Variants in AIG1 observed in about 807,000 individuals in gnomAD.
AIG1 encodes androgen-induced gene 1 protein.
A neutral mutation model predicts 31.4 loss-of-function variants in AIG1; 23 were observed. The observed-to-expected ratio is 0.73, with a 90% CI of 0.53 to 1.04. The LOEUF (loss-of-function observed/expected upper bound fraction) is 1.04, where lower values mean the gene tolerates loss of function less well. AIG1 is among the 50% of genes least tolerant of loss of function. The probability of loss-of-function intolerance (pLI) is 0.00; values close to 1 mark genes in which losing one functional copy is unlikely to be tolerated. For missense variants in AIG1, 274 were observed against 295.0 expected (o/e 0.93, Z 0.52); for synonymous variants, 100 against 110.5 (o/e 0.90, Z 0.60).
At chr6:143,135,265 C>T (rs1458795482) in intron 1 of AIG1, among the ~76,000 whole-genome samples, 1 of 152,020 alleles carries the variant, frequency 6.6e-6, no homozygotes, top group Admixed American at 6.6e-5. Context: ...TTATTCTCCT[C>T]TGGTAGGGTC....
At chr6:143,343,046 G>A (rs1777886304), downstream of AIG1, 2 of 792,280 alleles carry the variant, frequency 2.5e-6, no homozygotes, top group Admixed American at 3.4e-5. Context: ...GTTGCCACAC[G>A]AAGATATGGA....
chr6:143,244,335 T>G (rs1474640750), intron 3 of AIG1, among the ~76,000 whole-genome samples: 2 of 151,708 alleles, frequency 1.3e-5, no homozygotes, highest in Non-Finnish European at 2.9e-5. Flanking sequence ...AGGGGCTGAG[T>G]GGAGGAATAG....
intron 3 of AIG1, among the ~76,000 whole-genome samples, chr6:143,184,927 A>G (rs911266119): frequency 1.1e-4 from 17 of 152,062 alleles, no homozygotes; most frequent in Middle Eastern, 3.4e-3. Flanking sequence ...GCTGAGTGCA[A>G]TGGCTCACGC....
chr6:143,195,089 AAG>A (rs1250448202), intron 3 of AIG1, among the ~76,000 whole-genome samples: 2 of 152,206 alleles, frequency 1.3e-5, no homozygotes, highest in Non-Finnish European at 2.9e-5. Context: ...CAGCCAATAA[AAG>A]AGGGGAAATT....
intron 1 of AIG1, among the ~76,000 whole-genome samples, chr6:143,079,654 C>T (rs1420206380): frequency 6.6e-6 from 1 of 152,110 alleles, no homozygotes; most frequent in East Asian, 1.9e-4. Flanking sequence ...TGCCATTATA[C>T]ATTCTCCCAT....
At chr6:143,274,326 T>C (rs1174018003) in intron 3 of AIG1, among the ~76,000 whole-genome samples, 1 of 152,222 alleles carries the variant, frequency 6.6e-6, no homozygotes, top group Non-Finnish European at 1.5e-5. Flanking sequence ...TTGTGCAACT[T>C]TCTTAACTTC....
At chr6:143,133,235 G>T (rs1783420680) in intron 1 of AIG1, among the ~76,000 whole-genome samples, 1 of 152,034 alleles carries the variant, frequency 6.6e-6, no homozygotes, top group South Asian at 2.1e-4. Flanking sequence ...TTTGTTTGAG[G>T]GCTATTTTTA....
intron 3 of AIG1, among the ~76,000 whole-genome samples, chr6:143,274,429 TA>T (rs1412449556): frequency 1.3e-5 from 2 of 152,358 alleles, no homozygotes; most frequent in Middle Eastern, 3.4e-3. Context: ...TTATTCCATG[TA>T]AAGCGATCAG....
intron 3 of AIG1, among the ~76,000 whole-genome samples, chr6:143,175,327 T>C (rs377039194): frequency 7.2e-5 from 11 of 152,360 alleles, no homozygotes; most frequent in East Asian, 3.9e-4. Context: ...TTCTTTGAGC[T>C]ACTTGTATTT....
chr6:143,114,467 T>C (rs1352695288), intron 1 of AIG1, among the ~76,000 whole-genome samples: 1 of 152,042 alleles, frequency 6.6e-6, no homozygotes, highest in Admixed American at 6.6e-5. Context: ...TTAAAATAGA[T>C]GGGAAAAAAA....
chr6:143,226,405 A>T (rs1396736760), intron 3 of AIG1, among the ~76,000 whole-genome samples: 1 of 151,206 alleles, frequency 6.6e-6, no homozygotes, highest in African/African-American at 2.4e-5. Flanking sequence ...GTGCCCAGCT[A>T]ATTTTTGTAT....
intron 3 of AIG1, among the ~76,000 whole-genome samples, chr6:143,170,682 T>G (rs781368578): frequency 1.3e-5 from 2 of 151,966 alleles, no homozygotes; most frequent in Non-Finnish European, 2.9e-5. Context: ...ATTTTAGGTT[T>G]TGTTTGTTCT....
intron 4 of AIG1, among the ~76,000 whole-genome samples, chr6:143,324,897 G>A (rs959482535): frequency 2.6e-5 from 4 of 152,134 alleles, no homozygotes; most frequent in Admixed American, 6.5e-5. Flanking sequence ...GCGCCCTCAA[G>A]GGCTCCAGTG....
At chr6:143,175,325 G>A (rs973604295) in intron 3 of AIG1, among the ~76,000 whole-genome samples, 1 of 152,166 alleles carries the variant, frequency 6.6e-6, no homozygotes, top group Non-Finnish European at 1.5e-5. Context: ...TGTTCTTTGA[G>A]CTACTTGTAT....
At chr6:143,332,401 A>T (rs1245651841) in intron 4 of AIG1, among the ~76,000 whole-genome samples, 3 of 152,242 alleles carry the variant, frequency 2.0e-5, no homozygotes, top group African/African-American at 7.2e-5. Context: ...CCGATATTCT[A>T]ACTAAACTTT....
rs1258647765 is a variant in AIG1, at chr6:143,338,169, A to G, written c.680-1470A>G. 1.8e-5 allele frequency: 7 copies of G among 396,478 alleles called. No individual in the cohort carries two copies. Among genetic ancestry groups the G allele is most frequent in the Non-Finnish European group, 2.7e-5 (6 of 225,216 alleles). The allele number at this position is 396,478 out of a possible 1,614,324, so 24.6% of individuals were successfully genotyped here. A position where few individuals can be genotyped will look rare whatever the true frequency, so the allele number is the denominator to read the frequency against. On this transcript the variant is annotated intron_variant, in intron 5 of 5. Coordinates refer to ENST00000357847, the MANE Select transcript of AIG1 (RefSeq NM_016108.4). The surrounding 1 kb of genome is among the most constrained non-coding windows in gnomAD (Gnocchi z 4.3). ...TAGCCCCTGATAGCTTCTCCACAGG[A>G]GAGGGAATATGGACAGAGCTGAGGT...
rs541267515 is a variant in AIG1 at position 143,234,677 on chromosome 6, C to T, written c.400-49433C>T. Among the ~76,000 whole-genome samples the T allele has an allele frequency of 2.1e-4, 32 of 152,210 alleles. No homozygotes were observed. In the South Asian group the frequency reaches 6.4e-3, roughly 31 times the overall value. ...TTTTTAACTGAGATTTTCAAGTGTT[C>T]TTTCTGGAATCGGGTGAGTGAGGAT... On this transcript the variant is annotated intron_variant, in intron 3 of 5. Coordinates refer to ENST00000357847, the MANE Select transcript of AIG1 (RefSeq NM_016108.4).
At chr6:143,126,887 T>G (rs1782728606) in intron 1 of AIG1, among the ~76,000 whole-genome samples, 1 of 152,138 alleles carries the variant, frequency 6.6e-6, no homozygotes, top group Non-Finnish European at 1.5e-5. Flanking sequence ...TCTAGATAGA[T>G]ATATATAGTC....
chr6:143,257,352 A>G (rs1795440303), intron 3 of AIG1, among the ~76,000 whole-genome samples: 1 of 152,344 alleles, frequency 6.6e-6, no homozygotes, highest in African/African-American at 2.4e-5. Flanking sequence ...AAACAAAACA[A>G]AAACAAAAAA....
Sources: allele counts gnomAD v4.1 joint callset (sites outside exome capture counted in the v4.1 genomes callset), GRCh38; gene constraint gnomAD v4.1.1; non-coding constraint Gnocchi (gnomAD v3.1); transcripts MANE v1.5; gene names NCBI Gene and HGNC (gene_info 2026-07-23, HGNC 2026-07-21).